DNTTIP2: variants seen among roughly 807,000 people sequenced by gnomAD.
DNTTIP2 encodes deoxynucleotidyltransferase terminal interacting protein 2.
Under a neutral mutation model 62.4 loss-of-function variants are expected in DNTTIP2, and 47 were observed. The ratio of observed to expected loss-of-function variants is 0.75; its 90% CI spans 0.60 to 0.96. The LOEUF (loss-of-function observed/expected upper bound fraction) is 0.96. DNTTIP2 is among the 40% of genes least tolerant of loss of function. The pLI is 0.00. For synonymous variants in DNTTIP2, 322 were observed against 300.9 expected (o/e 1.07, Z -0.73); for missense variants, 870 against 849.1 (o/e 1.02, Z -0.31).
At position 93,876,623 on chromosome 1, in the gene DNTTIP2, C is replaced by A. The variant is rs1406004335; in HGVS notation, c.1312G>T (p.Asp438Tyr). Residue 438 changes from aspartate to tyrosine, a missense_variant, in exon 2 of 7, where the codon GAT becomes TAT. Transcript: ENST00000436063. ...CTGAGAACTAGTAAGACAGAATTAT[C>A]TTTACCCTGAGATGTGTTGGGCGCA... ...TSAPNTSQGKDNSVLLVLSSD... is the reference protein window; with the variant it reads ...TSAPNTSQGKYNSVLLVLSSD... 4.3e-6 allele frequency: 7 copies of A among 1,613,986 alleles called. No homozygotes were observed. Among genetic ancestry groups the A allele is most frequent in the Middle Eastern group, 1.6e-4 (1 of 6,062 alleles).
At position 93,876,936 on chromosome 1, in the gene DNTTIP2, CTG is replaced by C; in HGVS notation, c.997_998del (p.Gln333ValfsTer12). On this transcript the variant is annotated frameshift_variant, in exon 2 of 7. Transcript: ENST00000436063. LOFTEE classifies it high-confidence loss of function. Reference protein sequence around the residue: ...LSELQDTSLQQLVSQRHSTPQ... With the variant: ...LSELQDTSLQXLVSQRHSTPQ... ...GGGTTGAATGTCTCTGAGAAACTAA[CTG>C]TTGAAGGCTAGTGTCCTGAAGTTCA... The C allele has an allele frequency of 6.2e-7, 1 of 1,613,564 alleles. No homozygotes were observed. Among genetic ancestry groups the C allele is most frequent in the South Asian group, 1.1e-5 (1 of 90,996 alleles).
In DNTTIP2 at chr1:93,866,396, A is replaced by G. The variant is rs1431498325; in HGVS notation, c.*3455T>C. On this transcript the variant is annotated 3_prime_UTR_variant, in exon 7 of 7. Transcript: ENST00000436063. ...TTCAATAAAGATATTCATCTAATTA[A>G]ATAGTAAGTACAAATTCCATTAAGT... The G allele has an allele frequency of 1.3e-5, 2 of 152,224 alleles. No individual in the cohort carries two copies. The allele number at this position is 152,224 out of a possible 1,614,324, so 9.4% of individuals were successfully genotyped here.
Position 93,872,240 on chromosome 1 carries a change from A to G in DNTTIP2, c.1903-4T>C. ...CTGCTGTTTTTTGTCGTTCTTTCTG[A>G]AATTATGATTTCAAAAATAAACATT... is the stretch of plus-strand genomic sequence containing the variant. On this transcript the variant is annotated splice_region_variant and splice_polypyrimidine_tract_variant and intron_variant, in intron 4 of 6. Coordinates refer to ENST00000436063, the MANE Select transcript of DNTTIP2 (RefSeq NM_014597.5). The G allele has an allele frequency of 6.2e-7, 1 of 1,612,320 alleles. No homozygotes were observed. The highest frequency in any genetic ancestry group is 8.5e-7 in the Non-Finnish European group (1 of 1,179,418).
rs186054239 is a variant in DNTTIP2 at position 93,876,714 on chromosome 1, A to G, written c.1221T>C (p.Ser407=). ...SDDEEESTVI[S]VSEDMNSEGN... ...CTTCACTGTTCATGTCTTCACTGAC[A>G]CTTATAACTGTGGACTCTTCTTCAT... Residue 407 remains serine (S), a synonymous_variant, in exon 2 of 7, where the codon AGT becomes AGC. Coordinates refer to ENST00000436063, the MANE Select transcript of DNTTIP2 (RefSeq NM_014597.5). 6.6e-5 allele frequency: 106 copies of G among 1,614,022 alleles called. No individual in the cohort carries two copies. In the East Asian group the frequency reaches 1.8e-3, roughly 27 times the overall value.
Position 93,876,602 on chromosome 1 carries a change from G to A in DNTTIP2, c.1333C>T (p.Leu445Phe). Reference protein sequence around the residue: ...QGKDNSVLLVLSSDESQQSEN... With the variant: ...QGKDNSVLLVFSSDESQQSEN... ...GACTGTTGGCTTTCATCACTGCTGA[G>A]AACTAGTAAGACAGAATTATCTTTA... is the stretch of plus-strand genomic sequence containing the variant. Residue 445 changes from leucine (L) to phenylalanine (F), a missense_variant, in exon 2 of 7, where the codon CTC (leucine) becomes TTC (phenylalanine). Coordinates refer to ENST00000436063, the MANE Select transcript of DNTTIP2 (RefSeq NM_014597.5). 1 of 1,613,996 alleles carries A rather than the reference G, an allele frequency of 6.2e-7. No individual in the cohort carries two copies. Among genetic ancestry groups the A allele is most frequent in the Non-Finnish European group, 8.5e-7 (1 of 1,179,880 alleles).
chr1:93,877,179 A>G lies in DNTTIP2; in HGVS notation c.756T>C (p.Leu252=), dbSNP rs373287501. The G allele has an allele frequency of 1.9e-6, 3 of 1,613,580 alleles. No individual in the cohort carries two copies. Among genetic ancestry groups the G allele is most frequent in the African/African-American group, 1.3e-5 (1 of 74,948 alleles). Residue 252 remains leucine (L), a synonymous_variant, in exon 2 of 7, where the codon CTT becomes CTC. Coordinates refer to ENST00000436063, the MANE Select transcript of DNTTIP2 (RefSeq NM_014597.5). ...AGAAATTTGGCTTATTTATCTCAGA[A>G]AGAGATCTTGCTTGTAAATGGGAAG... ...RQTSHLQARS[L]SEINKPNFYN... is the part of the protein sequence containing the mutation.
rs893936875 is a variant in DNTTIP2, at chr1:93,869,348, C to G, written c.*503G>C. On this transcript the variant is annotated 3_prime_UTR_variant, in exon 7 of 7. Transcript: ENST00000436063. ...GCTTTCTAGGTCATATTCTTCATATCTTTGTATCCCAACTTTCTGGATCTG... is the reference window on the plus strand; with the variant it reads ...GCTTTCTAGGTCATATTCTTCATATGTTTGTATCCCAACTTTCTGGATCTG... 9 of 152,314 alleles carry G rather than the reference C, an allele frequency of 5.9e-5. No homozygotes were observed. 9.4% of individuals were successfully genotyped at this position (152,314 alleles called of 1,614,324 possible).
rs1655760542 is a variant in DNTTIP2, at chr1:93,867,883, C to T, written c.*1968G>A. The T allele has an allele frequency of 6.6e-6, 1 of 151,832 alleles. No homozygotes were observed. The allele number at this position is 151,832 out of a possible 1,614,324, so 9.4% of individuals were successfully genotyped here. A position where few individuals can be genotyped will look rare whatever the true frequency, so the allele number is the denominator to read the frequency against. On this transcript the variant is annotated 3_prime_UTR_variant, in exon 7 of 7. Transcript: ENST00000436063. ...TAACTCCAACTATGAATGTTATTGTCAGTTCTGCTATTACTAGCTTTTGAC... is the reference window on the plus strand; with the variant it reads ...TAACTCCAACTATGAATGTTATTGTTAGTTCTGCTATTACTAGCTTTTGAC...
chr1:93,877,194 T>C lies in DNTTIP2; in HGVS notation c.741A>G (p.Leu247=). ...TTATCTCAGAAAGAGATCTTGCTTG[T>C]AAATGGGAAGTTTGTCTGGTATCTG... ...EDSDTRQTSH[L]QARSLSEINK... Residue 247 remains leucine (L), a synonymous_variant, in exon 2 of 7, where the codon TTA becomes TTG. Coordinates refer to ENST00000436063, the MANE Select transcript of DNTTIP2 (RefSeq NM_014597.5). The C allele has an allele frequency of 1.2e-6, 2 of 1,613,834 alleles. No homozygotes were observed. Among genetic ancestry groups the C allele is most frequent in the Non-Finnish European group, 1.7e-6 (2 of 1,179,884 alleles).
At chr1:93,870,087 G>GA (rs3830859) in intron 6 of DNTTIP2, 143 bp from the exon 7 acceptor site, 240,261 of 575,866 alleles carry the variant, frequency 0.42, 52,769 homozygotes, top group East Asian at 0.61. Flanking sequence ...AATCTAGGGA[G>GA]AAAAAATGGC....
At chr1:93,875,392 A>C (rs1181298048) in intron 3 of DNTTIP2, among the ~76,000 whole-genome samples, 1 of 152,228 alleles carries the variant, frequency 6.6e-6, no homozygotes, top group East Asian at 1.9e-4. Flanking sequence ...AGGGAAAAAA[A>C]CAAAACCCCT....
At position 93,870,674 on chromosome 1, in the gene DNTTIP2, T is replaced by C; in HGVS notation, c.2177+9A>G. ...ATACATATTATAAAATAAATATGAA[T>C]TCCTTTACCTTCTGAATTCAGAATC... On this transcript the variant is annotated intron_variant, in intron 6 of 6. Coordinates refer to ENST00000436063, the MANE Select transcript of DNTTIP2 (RefSeq NM_014597.5). The C allele has an allele frequency of 3.4e-6, 5 of 1,463,828 alleles. No homozygotes were observed. Among genetic ancestry groups the C allele is most frequent in the Non-Finnish European group, 4.6e-6 (5 of 1,085,350 alleles). 90.7% of individuals were successfully genotyped at this position (1,463,828 alleles called of 1,614,324 possible).
intron 5 of DNTTIP2, among the ~76,000 whole-genome samples, chr1:93,871,533 C>T (rs1571182491): frequency 6.6e-6 from 1 of 152,090 alleles, no homozygotes; most frequent in Admixed American, 6.6e-5. Context: ...CTGGTATGTA[C>T]GTGTTCTGAC....
intron 6 of DNTTIP2, among the ~76,000 whole-genome samples, 163 bp downstream of exon 6, chr1:93,870,520 T>TA (rs1655831647): frequency 6.6e-6 from 1 of 152,170 alleles, no homozygotes; most frequent in African/African-American, 2.4e-5. Context: ...AGCCAGACAT[T>TA]AAAGAGATTT....
rs767244302 is a variant in DNTTIP2 at position 93,877,550 on chromosome 1, T to C, written c.385A>G (p.Thr129Ala). The change falls in exon 2 of 7, where the codon ACT becomes GCT. Residue 129 changes from threonine (T) to alanine (A), a missense_variant. Thr to Ala is a moderately conservative substitution (Grantham distance 58). Coordinates refer to ENST00000436063, the MANE Select transcript of DNTTIP2 (RefSeq NM_014597.5). ...TCAGTGTAAGACTCCTTTGTTGGAG[T>C]TACTTTCGGCTTTTTCCTAACACTG... ...VSSVRKKPKV[T>A]PTKESYTEEI... The C allele has an allele frequency of 1.2e-6, 2 of 1,613,828 alleles. No individual in the cohort carries two copies. Among genetic ancestry groups the C allele is most frequent in the African/African-American group, 2.7e-5 (2 of 74,904 alleles).
Position 93,866,362 on chromosome 1 carries a change from C to T in DNTTIP2, c.*3489G>A, listed in dbSNP as rs573073259. 6.6e-6 allele frequency: 1 copy of T among 152,264 alleles called. No homozygotes were observed. The highest frequency in any genetic ancestry group is 6.5e-5 in the Admixed American group (1 of 15,282). The allele number at this position is 152,264 out of a possible 1,614,324, so 9.4% of individuals were successfully genotyped here. ...AAAGCCCTTTTTGTTGCAACCCTTA[C>T]TGAAAACTTTCAATAAAGATATTCA... On this transcript the variant is annotated 3_prime_UTR_variant, in exon 7 of 7. Coordinates refer to ENST00000436063, the MANE Select transcript of DNTTIP2 (RefSeq NM_014597.5).
chr1:93,879,168 C>A lies in DNTTIP2; in HGVS notation c.-20G>T, dbSNP rs1420738621. On this transcript the variant is annotated 5_prime_UTR_variant, in exon 1 of 7. Transcript: ENST00000436063. ...CACCATCTTTCCGGCTCCCTCGCGA[C>A]CACCACGACTTCCCTCTTCCCTGGC... The A allele has an allele frequency of 6.2e-7, 1 of 1,610,714 alleles. No individual in the cohort carries two copies. Among genetic ancestry groups the A allele is most frequent in the Non-Finnish European group, 8.5e-7 (1 of 1,179,116 alleles).
chr1:93,873,426 TAA>T (rs576358369), intron 3 of DNTTIP2: 37,329 of 210,214 alleles, frequency 0.18, 3,079 homozygotes, highest in African/African-American at 0.41. Context: ...ACCCTGACTG[TAA>T]AAAAAAAAAA....
chr1:93,873,426 T>TAA (rs576358369), intron 3 of DNTTIP2: 310 of 213,214 alleles, frequency 1.5e-3, no homozygotes, highest in South Asian at 3.2e-3. Flanking sequence ...ACCCTGACTG[T>TAA]AAAAAAAAAA....
Sources: gnomAD v4.1 joint callset for allele counts (sites outside exome capture counted in the v4.1 genomes callset) on GRCh38, gnomAD v4.1.1 for gene constraint, MANE v1.5 for transcripts, NCBI Gene and HGNC (gene_info 2026-07-23, HGNC 2026-07-21) for gene names.